The following RAPGEF4 variants were observed in gnomAD, a reference collection of about 807,000 sequenced individuals.
The protein encoded by RAPGEF4 is Rap guanine nucleotide exchange factor 4.
Under a neutral mutation model 147.9 loss-of-function variants are expected in RAPGEF4, and 66 were observed. The observed-to-expected ratio is 0.45, with a 90% CI of 0.37 to 0.55. The LOEUF (loss-of-function observed/expected upper bound fraction) is 0.55, where lower values mean the gene tolerates loss of function less well. Among genes scored for constraint, RAPGEF4 ranks in the 20% least tolerant of loss-of-function variants. The probability of loss-of-function intolerance (pLI) is 0.00; values close to 1 mark genes in which losing one functional copy is unlikely to be tolerated. For synonymous variants in RAPGEF4, 419 were observed against 442.7 expected, an observed-to-expected ratio of 0.95 and a Z score of 0.67; for missense variants, 1,071 against 1,257.3, an observed-to-expected ratio of 0.85 and a Z score of 2.24.
rs1686286216 is a variant in RAPGEF4 at position 173,051,914 on chromosome 2, C to G, written c.*147C>G. 3 of 836,300 alleles carry G rather than the reference C, an allele frequency of 3.6e-6. 1 individual carries two copies. The South Asian group carries it at 6.1e-5, about 17-fold the overall frequency. The allele number at this position is 836,300 out of a possible 1,614,324, so 51.8% of individuals were successfully genotyped here. A position where few individuals can be genotyped will look rare whatever the true frequency, so the allele number is the denominator to read the frequency against. On this transcript the variant is annotated 3_prime_UTR_variant, in exon 31 of 31. Transcript: ENST00000397081. The stretch of plus-strand genomic sequence containing the variant: ...TGAGACACCTCAGGGCTGCATTCAG[C>G]TTACCAGCTACCTAGCAAGAGAAGG...
chr2:172,943,746 C>T (rs1042142698), intron 6 of RAPGEF4, among the ~76,000 whole-genome samples: 11 of 152,288 alleles, frequency 7.2e-5, no homozygotes, highest in Admixed American at 4.6e-4. Context: ...TGCCTTTCAC[C>T]CGCTGTTTTT....
intron 1 of RAPGEF4, among the ~76,000 whole-genome samples, chr2:172,757,248 T>G (rs1384469028): frequency 6.6e-6 from 1 of 152,236 alleles, no homozygotes; most frequent in African/African-American, 2.4e-5. Flanking sequence ...AACTTGCCAT[T>G]ATTTAGTAAC....
chr2:172,996,570 C>A lies in RAPGEF4; in HGVS notation c.1579+16C>A. ...GAAGCAACAGGTATACACATAGAAC[C>A]GTTTGCATGTCCATTAAATCCATGC... On this transcript the variant is annotated intron_variant, in intron 16 of 30. Coordinates refer to ENST00000397081, the MANE Select transcript of RAPGEF4 (RefSeq NM_007023.4). 6.7e-7 allele frequency: 1 copy of A among 1,484,568 alleles called. No homozygotes were observed. The highest frequency in any genetic ancestry group is 9.2e-7 in the Non-Finnish European group (1 of 1,091,834). The allele number at this position is 1,484,568 out of a possible 1,614,324, so 92.0% of individuals were successfully genotyped here.
chr2:172,928,310 G>A (rs1685580590), intron 6 of RAPGEF4: 5 of 432,724 alleles, frequency 1.2e-5, no homozygotes, highest in Admixed American at 5.0e-5. Flanking sequence ...TCTTACAAAA[G>A]CTAGCCATAC....
At chr2:172,783,926 T>TA (rs1290485906) in intron 1 of RAPGEF4, among the ~76,000 whole-genome samples, 1 of 151,962 alleles carries the variant, frequency 6.6e-6, no homozygotes, top group Non-Finnish European at 1.5e-5. Context: ...GCTGTAGTCA[T>TA]AAAAAAAGAA....
chr2:172,986,682 A>AT (rs1432108399), intron 12 of RAPGEF4, among the ~76,000 whole-genome samples: 4 of 148,532 alleles, frequency 2.7e-5, no homozygotes, highest in African/African-American at 4.9e-5. Flanking sequence ...ATAACATGCC[A>AT]TTTTTTTCAT....
intron 8 of RAPGEF4, 173 bp from the exon 9 acceptor site, chr2:172,965,389 G>A: frequency 1.4e-6 from 1 of 735,320 alleles, no homozygotes; most frequent in Non-Finnish European, 2.3e-6. Context: ...TTTTTGGCTT[G>A]TATTAGCATT....
intron 4 of RAPGEF4, among the ~76,000 whole-genome samples, chr2:172,913,747 T>C (rs1683713709): frequency 1.3e-5 from 2 of 152,222 alleles, no homozygotes; most frequent in African/African-American, 4.8e-5. Context: ...TCATTTGAAA[T>C]CTATTAGAGA....
chr2:172,897,761 T>TTTATC (rs1359596367), intron 4 of RAPGEF4, among the ~76,000 whole-genome samples: 3 of 151,380 alleles, frequency 2.0e-5, no homozygotes, highest in Admixed American at 6.6e-5. Context: ...TTTATTTTAT[T>TTTATC]TTATTTATTT....
Position 173,042,216 on chromosome 2 carries a change from C to T in RAPGEF4, c.2853+5524C>T, listed in dbSNP as rs143844721. On this transcript the variant is annotated intron_variant, in intron 29 of 30. Coordinates refer to ENST00000397081, the MANE Select transcript of RAPGEF4 (RefSeq NM_007023.4). The surrounding 1 kb of genome is among the most constrained non-coding windows in gnomAD (Gnocchi z 4.2). ...GCACCCATAAAAATGTCTGGCACAT[C>T]GTAAGTATGCAAGAAGTACTTGTTG... is the stretch of plus-strand genomic sequence containing the variant. 7.9e-4 allele frequency among the ~76,000 whole-genome samples: 120 copies of T among 152,328 alleles called. 1 individual carries two copies. The highest frequency in any genetic ancestry group is 2.6e-3 in the African/African-American group (110 of 41,560).
intron 6 of RAPGEF4, among the ~76,000 whole-genome samples, chr2:172,959,195 C>T (rs1006226359): frequency 1.3e-5 from 2 of 152,206 alleles, no homozygotes; most frequent in African/African-American, 4.8e-5. Flanking sequence ...AAATGGGTCT[C>T]ACTGGGCTCA....
At chr2:172,793,604 C>G (rs1686044269) in intron 1 of RAPGEF4, among the ~76,000 whole-genome samples, 1 of 152,124 alleles carries the variant, frequency 6.6e-6, no homozygotes, top group South Asian at 2.1e-4. Flanking sequence ...ATGATAGTTT[C>G]TATATAATGT....
intron 4 of RAPGEF4, among the ~76,000 whole-genome samples, chr2:172,827,373 A>G (rs1689782452): frequency 6.6e-6 from 1 of 152,054 alleles, no homozygotes; most frequent in African/African-American, 2.4e-5. Context: ...GACCTCACCT[A>G]GGTCTGAAAC....
chr2:172,737,224 A>C (rs906357415), intron 1 of RAPGEF4, among the ~76,000 whole-genome samples: 3 of 152,234 alleles, frequency 2.0e-5, no homozygotes, highest in African/African-American at 7.2e-5. Context: ...ATTTATGTCT[A>C]AAATGATATG....
chr2:172,804,523 G>A (rs1316804980), intron 3 of RAPGEF4, among the ~76,000 whole-genome samples: 2 of 152,212 alleles, frequency 1.3e-5, no homozygotes, highest in Admixed American at 6.5e-5. Context: ...CCTGATGCCT[G>A]AGTAGCTGTT....
chr2:172,851,260 C>T (rs1454114570), intron 4 of RAPGEF4, among the ~76,000 whole-genome samples: 1 of 152,124 alleles, frequency 6.6e-6, no homozygotes, highest in Non-Finnish European at 1.5e-5. Flanking sequence ...GAGTGATCTT[C>T]TTGGTATTGA....
intron 4 of RAPGEF4, among the ~76,000 whole-genome samples, chr2:172,837,574 A>T (rs1691097836): frequency 6.6e-6 from 1 of 152,242 alleles, no homozygotes; most frequent in African/African-American, 2.4e-5. Flanking sequence ...AGTGTATGTT[A>T]TAATAGAAAG....
At chr2:172,817,384 C>T (rs547444914) in intron 4 of RAPGEF4, among the ~76,000 whole-genome samples, 1 of 152,188 alleles carries the variant, frequency 6.6e-6, no homozygotes, top group African/African-American at 2.4e-5. Context: ...AACCAGAACG[C>T]CTATTCCTTG....
In RAPGEF4 at chr2:173,051,806, C is replaced by T; in HGVS notation, c.*39C>T. The T allele has an allele frequency of 6.2e-7, 1 of 1,604,132 alleles. No individual in the cohort carries two copies. The highest frequency in any genetic ancestry group is 8.5e-7 in the Non-Finnish European group (1 of 1,173,274). ...CCAAAGCAACAGTTTGTCTCCAGTC[C>T]ACAATCTTTCAAAAATGCCATTTAT... On this transcript the variant is annotated 3_prime_UTR_variant, in exon 31 of 31. Transcript: ENST00000397081.
Sources: gnomAD v4.1 joint callset for allele counts (sites outside exome capture counted in the v4.1 genomes callset) on GRCh38, gnomAD v4.1.1 for gene constraint, Gnocchi (gnomAD v3.1) non-coding constraint, MANE v1.5 for transcripts, NCBI Gene and HGNC (gene_info 2026-07-23, HGNC 2026-07-21) for gene names.